Variants in THRB observed in about 807,000 individuals in gnomAD.
THRB encodes thyroid hormone receptor beta.
THRB carries 12 observed loss-of-function variants against 47.8 expected under a neutral mutation model. The observed-to-expected ratio is 0.25, with a 90% CI of 0.16 to 0.41. The LOEUF (loss-of-function observed/expected upper bound fraction) is 0.41, where lower values mean the gene tolerates loss of function less well. Ranked by LOEUF, THRB falls within the 10% of genes least tolerant of loss-of-function variation. The pLI is 1.00. For missense variants in THRB, 348 were observed against 589.2 expected (o/e 0.59, Z 4.24); for synonymous variants, 218 against 212.2 (o/e 1.03, Z -0.24).
chr3:24,291,506 T>A (rs1158310288), intron 3 of THRB, among the ~76,000 whole-genome samples: 3 of 152,212 alleles, frequency 2.0e-5, no homozygotes, highest in Non-Finnish European at 4.4e-5. Context: ...AATATTTGCA[T>A]AAAACCTACA....
intron 1 of THRB, among the ~76,000 whole-genome samples, chr3:24,409,622 T>C (rs1189201449): frequency 1.3e-5 from 2 of 151,792 alleles, no homozygotes; most frequent in African/African-American, 2.4e-5. Flanking sequence ...AATGAACTAA[T>C]CCATGAAAGT....
chr3:24,389,246 G>T (rs2066368661), intron 1 of THRB, among the ~76,000 whole-genome samples: 1 of 152,270 alleles, frequency 6.6e-6, no homozygotes, highest in Non-Finnish European at 1.5e-5. Context: ...AAGTCCCCAA[G>T]AGCAAATCCC....
At chr3:24,494,400 A>T (rs919238838) in intron 1 of THRB, 1 of 152,014 alleles carries the variant, frequency 6.6e-6, no homozygotes, top group Admixed American at 6.6e-5. Flanking sequence ...ACCACTGTCC[A>T]CTCCGTAGCT....
chr3:24,393,021 T>C (rs1052503335), intron 1 of THRB, among the ~76,000 whole-genome samples: 2 of 152,294 alleles, frequency 1.3e-5, no homozygotes, highest in East Asian at 1.9e-4. Flanking sequence ...AGTTTTCAAA[T>C]GTGTTGTTCC....
At chr3:24,252,626 G>C (rs7428988) in intron 3 of THRB, among the ~76,000 whole-genome samples, 6 of 150,780 alleles carry the variant, frequency 4.0e-5, no homozygotes, top group Admixed American at 6.6e-5. Flanking sequence ...TATCTCGAAT[G>C]CCTATAAAAG....
chr3:24,322,719 T>C (rs1459337183), intron 2 of THRB, among the ~76,000 whole-genome samples: 1 of 152,250 alleles, frequency 6.6e-6, no homozygotes, highest in African/African-American at 2.4e-5. Context: ...ATCAAGGCAA[T>C]GGTTCATCTA....
At chr3:24,157,797 TTG>T in intron 5 of THRB, among the ~76,000 whole-genome samples, 1 of 152,280 alleles carries the variant, frequency 6.6e-6, no homozygotes, top group Non-Finnish European at 1.5e-5. Context: ...TCCCAGAGTG[TTG>T]GGACTACAGG....
chr3:24,139,883 C>A (rs138485903), intron 8 of THRB, among the ~76,000 whole-genome samples: 49 of 152,288 alleles, frequency 3.2e-4, no homozygotes, highest in African/African-American at 1.2e-3. Flanking sequence ...TAGGCCTCCT[C>A]AAATTCTTTT....
intron 2 of THRB, among the ~76,000 whole-genome samples, chr3:24,326,127 T>C (rs2058789499): frequency 6.6e-6 from 1 of 152,274 alleles, no homozygotes; most frequent in Non-Finnish European, 1.5e-5. Flanking sequence ...CCCATTCATC[T>C]GTAGTTGCCA....
At chr3:24,454,704 T>G (rs1269907450) in intron 1 of THRB, among the ~76,000 whole-genome samples, 2 of 152,208 alleles carry the variant, frequency 1.3e-5, no homozygotes, top group African/African-American at 4.8e-5. Flanking sequence ...TCTCTTCTCA[T>G]AATTCCTAGT....
At chr3:24,439,694 G>A (rs958092517) in intron 1 of THRB, among the ~76,000 whole-genome samples, 1 of 152,062 alleles carries the variant, frequency 6.6e-6, no homozygotes, top group East Asian at 1.9e-4. Flanking sequence ...ACTACATGTT[G>A]GTAACTTTAA....
chr3:24,334,074 C>T (rs1028389030), intron 2 of THRB, among the ~76,000 whole-genome samples: 1 of 152,224 alleles, frequency 6.6e-6, no homozygotes, highest in East Asian at 1.9e-4. Flanking sequence ...TTACCTTCCA[C>T]TTTACTACCT....
chr3:24,204,867 A>C (rs190720834), intron 4 of THRB, among the ~76,000 whole-genome samples: 3 of 152,384 alleles, frequency 2.0e-5, no homozygotes, highest in Admixed American at 2.0e-4. Context: ...CACAAGCTTC[A>C]GTAGCCGATT....
intron 1 of THRB, among the ~76,000 whole-genome samples, chr3:24,346,246 A>T (rs905263483): frequency 2.0e-5 from 3 of 152,134 alleles, no homozygotes; most frequent in Non-Finnish European, 4.4e-5. Flanking sequence ...TTTTCTGGAA[A>T]GTAGTCAAAG....
intron 1 of THRB, among the ~76,000 whole-genome samples, chr3:24,386,103 G>GAGGT (rs2066081182): frequency 6.6e-6 from 1 of 152,112 alleles, no homozygotes; most frequent in East Asian, 1.9e-4. Flanking sequence ...TTCCAAGGAG[G>GAGGT]AGGTTCCAGA....
intron 2 of THRB, among the ~76,000 whole-genome samples, chr3:24,322,660 C>G (rs190632199): frequency 6.6e-6 from 1 of 152,178 alleles, no homozygotes; most frequent in Non-Finnish European, 1.5e-5. Context: ...TATAGTTGCT[C>G]AGGTGCAAAG....
intron 1 of THRB, among the ~76,000 whole-genome samples, chr3:24,361,321 C>G (rs541789976): frequency 6.6e-6 from 1 of 152,102 alleles, no homozygotes; most frequent in Non-Finnish European, 1.5e-5. Flanking sequence ...CATTGCATAA[C>G]CATCTAGCTT....
chr3:24,468,453 A>G (rs1014093040), intron 1 of THRB, among the ~76,000 whole-genome samples: 1 of 152,220 alleles, frequency 6.6e-6, no homozygotes, highest in Non-Finnish European at 1.5e-5. Context: ...CATTAAGTGT[A>G]ATCATTTCCA....
intron 3 of THRB, among the ~76,000 whole-genome samples, chr3:24,242,604 C>A (rs2049658137): frequency 6.6e-6 from 1 of 152,156 alleles, no homozygotes. Context: ...TTTTTCTCAG[C>A]TGCTCCTTGC....
Sources: allele counts gnomAD v4.1 joint callset (sites outside exome capture counted in the v4.1 genomes callset), GRCh38; gene constraint gnomAD v4.1.1; transcripts MANE v1.5; gene names NCBI Gene and HGNC (gene_info 2026-07-23, HGNC 2026-07-21).